Variants in NUBPL observed in about 807,000 individuals in gnomAD.
NUBPL encodes the protein iron-sulfur cluster transfer protein NUBPL.
Under a neutral mutation model 45.7 loss-of-function variants are expected in NUBPL, and 31 were observed. That is an observed-to-expected ratio of 0.68 (90% CI 0.51 to 0.92). The LOEUF is 0.92. NUBPL is among the 40% of genes least tolerant of loss of function. The pLI, the probability that NUBPL is intolerant of heterozygous loss-of-function variation, is 0.00. For missense variants in NUBPL, 401 were observed against 398.7 expected (o/e 1.01, Z -0.05); for synonymous variants, 144 against 140.9 (o/e 1.02, Z -0.15).
chr14:31,778,607 A>T (rs1350054961), intron 6 of NUBPL, among the ~76,000 whole-genome samples: 1 of 152,230 alleles, frequency 6.6e-6, no homozygotes, highest in Non-Finnish European at 1.5e-5. Context: ...GAGACTTCCC[A>T]GGTTGATATA....
chr14:31,758,224 T>C (rs2038717181), intron 6 of NUBPL, among the ~76,000 whole-genome samples: 1 of 152,186 alleles, frequency 6.6e-6, no homozygotes, highest in Admixed American at 6.5e-5. Context: ...AACAAGTACT[T>C]GGCAAATATG....
rs938814737 is a variant in NUBPL at position 31,715,851 on chromosome 14, G to A, written c.513+42277G>A. Reference sequence around the variant, plus strand: ...AATTATAAATCTGCCTTAGCTTACTGTAACTTTATTACTTCATAAACTTTT... The same window carrying A: ...AATTATAAATCTGCCTTAGCTTACTATAACTTTATTACTTCATAAACTTTT... On this transcript the variant is annotated intron_variant, in intron 6 of 10. Coordinates refer to ENST00000281081, the MANE Select transcript of NUBPL (RefSeq NM_025152.3). Among the ~76,000 whole-genome samples the A allele has an allele frequency of 3.9e-5, 6 of 152,144 alleles. No individual in the cohort carries two copies. The East Asian group carries it at 5.8e-4, about 15-fold the overall frequency.
At chr14:31,571,324 CAA>C (rs879374297) in intron 3 of NUBPL, among the ~76,000 whole-genome samples, 14 of 134,090 alleles carry the variant, frequency 1.0e-4, no homozygotes, top group Admixed American at 7.5e-5. Flanking sequence ...TATGATCTGT[CAA>C]AAAAAAAAAA....
intron 4 of NUBPL, among the ~76,000 whole-genome samples, chr14:31,648,502 T>C (rs2035915460): frequency 6.6e-6 from 1 of 152,254 alleles, no homozygotes; most frequent in Non-Finnish European, 1.5e-5. Flanking sequence ...ACTAACACTT[T>C]TAACATTATG....
intron 3 of NUBPL, among the ~76,000 whole-genome samples, chr14:31,566,752 T>A (rs887614142): frequency 6.6e-6 from 1 of 152,060 alleles, no homozygotes; most frequent in Non-Finnish European, 1.5e-5. Flanking sequence ...CAATTGAAGA[T>A]CCTTATAAAT....
At chr14:31,650,710 G>A (rs371815816) in intron 4 of NUBPL, among the ~76,000 whole-genome samples, 8 of 152,166 alleles carry the variant, frequency 5.3e-5, no homozygotes, top group East Asian at 1.9e-4. Context: ...TATTAACACT[G>A]TCTTAGTCCA....
At chr14:31,770,094 T>G (rs1447976700) in intron 6 of NUBPL, among the ~76,000 whole-genome samples, 1 of 152,214 alleles carries the variant, frequency 6.6e-6, no homozygotes, top group Admixed American at 6.5e-5. Context: ...ATGTTAAATC[T>G]CAAAACTTCA....
At chr14:31,592,758 T>C (rs934209268) in intron 3 of NUBPL, among the ~76,000 whole-genome samples, 5 of 152,196 alleles carry the variant, frequency 3.3e-5, no homozygotes, top group African/African-American at 1.2e-4. Flanking sequence ...GTTTTTCACA[T>C]TGTGGTCATC....
At chr14:31,767,167 C>T (rs531337854) in intron 6 of NUBPL, among the ~76,000 whole-genome samples, 4 of 152,090 alleles carry the variant, frequency 2.6e-5, no homozygotes, top group African/African-American at 7.2e-5. Context: ...AGATTTTAGC[C>T]AGGACAAACA....
chr14:31,614,075 G>T (rs1192299862), intron 4 of NUBPL, among the ~76,000 whole-genome samples: 3 of 152,020 alleles, frequency 2.0e-5, no homozygotes, highest in African/African-American at 7.2e-5. Flanking sequence ...ACTTCTTTAT[G>T]GATGGGGCTT....
chr14:31,602,978 G>T lies in NUBPL; in HGVS notation c.382+3599G>T, dbSNP rs1447846355. Among the ~76,000 whole-genome samples, 4 of 151,966 alleles carry T rather than the reference G, an allele frequency of 2.6e-5. No homozygotes were observed. The East Asian group carries it at 7.7e-4, about 29-fold the overall frequency. On this transcript the variant is annotated intron_variant, in intron 4 of 10. Transcript: ENST00000281081. ...GTTGTTATTGCATTTAAAAAATAAA[G>T]CTATCAGAAGCTTTAAGAAGAAGGA... is the stretch of plus-strand genomic sequence containing the variant.
intron 6 of NUBPL, among the ~76,000 whole-genome samples, chr14:31,690,303 A>C (rs1253356109): frequency 2.6e-5 from 4 of 152,200 alleles, no homozygotes; most frequent in Admixed American, 6.5e-5. Flanking sequence ...GACAACAATA[A>C]AATTTAGTGA....
chr14:31,775,126 A>T (rs2039076209), intron 6 of NUBPL, among the ~76,000 whole-genome samples: 1 of 152,180 alleles, frequency 6.6e-6, no homozygotes, highest in South Asian at 2.1e-4. Flanking sequence ...TTCTATTTGG[A>T]TCCAAAAGTG....
intron 6 of NUBPL, among the ~76,000 whole-genome samples, chr14:31,716,611 C>A (rs544912497): frequency 2.2e-4 from 33 of 152,264 alleles, no homozygotes; most frequent in African/African-American, 6.0e-4. Context: ...GTAAATGGTG[C>A]AGCCAACATT....
At chr14:31,801,177 G>C (rs560585051) in intron 7 of NUBPL, 1 of 152,338 alleles carries the variant, frequency 6.6e-6, no homozygotes, top group Admixed American at 6.5e-5. Flanking sequence ...TGGTGGGTGA[G>C]GTAGGTAATA....
At chr14:31,820,013 GC>G (rs1353226752) in intron 7 of NUBPL, among the ~76,000 whole-genome samples, 1 of 151,818 alleles carries the variant, frequency 6.6e-6, no homozygotes, top group East Asian at 1.9e-4. Context: ...GGTGGCGGGT[GC>G]CTGTAGTCCC....
intron 3 of NUBPL, among the ~76,000 whole-genome samples, chr14:31,595,529 A>G (rs2034260347): frequency 6.6e-6 from 1 of 152,220 alleles, no homozygotes; most frequent in South Asian, 2.1e-4. Flanking sequence ...TTTCTTGAGT[A>G]AATAAAATTA....
chr14:31,592,646 A>C (rs1227770061), intron 3 of NUBPL, among the ~76,000 whole-genome samples: 1 of 152,122 alleles, frequency 6.6e-6, no homozygotes, highest in Non-Finnish European at 1.5e-5. Flanking sequence ...GACCTCTTTA[A>C]TGTTATTGTT....
intron 7 of NUBPL, among the ~76,000 whole-genome samples, chr14:31,801,681 C>T (rs900595728): frequency 2.0e-5 from 3 of 152,020 alleles, no homozygotes; most frequent in Non-Finnish European, 4.4e-5. Context: ...AAAAAGTTCC[C>T]CTTCACTTTA....
Sources: gnomAD v4.1 joint callset for allele counts (sites outside exome capture counted in the v4.1 genomes callset) on GRCh38, gnomAD v4.1.1 for gene constraint, MANE v1.5 for transcripts, NCBI Gene and HGNC (gene_info 2026-07-23, HGNC 2026-07-21) for gene names.